Variants in CDS1 observed in about 807,000 individuals in gnomAD.
CDS1 encodes the protein CDP-diacylglycerol synthase 1.
In CDS1, 41 loss-of-function variants were observed where a neutral mutation model predicts 62.1. That is an observed-to-expected ratio of 0.66 (90% confidence interval 0.51 to 0.86). The LOEUF is 0.86. Ranked by LOEUF, CDS1 falls within the 40% of genes least tolerant of loss-of-function variation. The pLI, the probability that CDS1 is intolerant of heterozygous loss-of-function variation, is 0.00. For synonymous variants in CDS1, 185 were observed against 192.6 expected, an observed-to-expected ratio of 0.96 and a Z score of 0.32; for missense variants, 470 against 550.1, an observed-to-expected ratio of 0.85 and a Z score of 1.46.
intron 6 of CDS1, among the ~76,000 whole-genome samples, chr4:84,632,995 A>G (rs1724070163): frequency 2.6e-5 from 4 of 152,118 alleles, no homozygotes; most frequent in Admixed American, 2.6e-4. Context: ...GTGGTGGCAC[A>G]CACCTGTAGT....
intron 8 of CDS1, among the ~76,000 whole-genome samples, 197 bp downstream of exon 8, chr4:84,635,548 C>T (rs887367162): frequency 6.6e-6 from 1 of 150,598 alleles, no homozygotes; most frequent in Non-Finnish European, 1.5e-5. Flanking sequence ...TCTGTTGGCT[C>T]CTCAGGAAGG....
intron 2 of CDS1, 135 bp downstream of exon 2, chr4:84,604,505 C>A: frequency 1.4e-6 from 1 of 736,514 alleles, no homozygotes; most frequent in Non-Finnish European, 2.3e-6. Context: ...CACCTAATAT[C>A]CGAGGTATAG....
intron 5 of CDS1, among the ~76,000 whole-genome samples, chr4:84,620,386 C>G (rs912310410): frequency 5.3e-5 from 8 of 151,844 alleles, no homozygotes; most frequent in Middle Eastern, 6.8e-3. Context: ...CCACACCCGA[C>G]TAATTTTTTG....
At chr4:84,612,919 G>A (rs186837267) in intron 3 of CDS1, among the ~76,000 whole-genome samples, 50 of 151,244 alleles carry the variant, frequency 3.3e-4, no homozygotes, top group African/African-American at 1.2e-3. Flanking sequence ...ATCCTGGGAG[G>A]TGGAGGTTGC....
At position 84,640,824 on chromosome 4, in the gene CDS1, G is replaced by A; in HGVS notation, c.880-14G>A. On this transcript the variant is annotated splice_polypyrimidine_tract_variant and intron_variant, in intron 9 of 12. Transcript: ENST00000295887. Reference sequence around the variant, plus strand: ...TTTGTTTTTTGTTTTGTTTTGTTTTGTTTTTAATATCAGGCTGCCTATGTG... The same window carrying A: ...TTTGTTTTTTGTTTTGTTTTGTTTTATTTTTAATATCAGGCTGCCTATGTG... 2 of 1,528,980 alleles carry A rather than the reference G, an allele frequency of 1.3e-6. No individual in the cohort carries two copies. The highest frequency in any genetic ancestry group is 1.3e-5 in the South Asian group (1 of 77,494). 94.7% of individuals were successfully genotyped at this position (1,528,980 alleles called of 1,614,324 possible). A position where few individuals can be genotyped will look rare whatever the true frequency, so the allele number is the denominator to read the frequency against.
At chr4:84,629,642 A>G (rs1314086422) in intron 5 of CDS1, among the ~76,000 whole-genome samples, 1 of 152,172 alleles carries the variant, frequency 6.6e-6, no homozygotes, top group Non-Finnish European at 1.5e-5. Context: ...AGAGATGACT[A>G]TATTTAGCCT....
chr4:84,592,153 A>ATT (rs1395044984), intron 1 of CDS1, among the ~76,000 whole-genome samples: 4 of 98,442 alleles, frequency 4.1e-5, no homozygotes, highest in Non-Finnish European at 4.2e-5. Context: ...ATTAATGACC[A>ATT]ATTTTTTTTT....
intron 2 of CDS1, among the ~76,000 whole-genome samples, chr4:84,609,197 A>AAG (rs1553903368): frequency 2.1e-5 from 3 of 145,924 alleles, no homozygotes; most frequent in Admixed American, 7.0e-5. Context: ...AAAAAAAAAA[A>AAG]AAAAGAAAAG....
intron 1 of CDS1, among the ~76,000 whole-genome samples, chr4:84,598,660 GT>G (rs1456498408): frequency 6.6e-6 from 1 of 151,960 alleles, no homozygotes; most frequent in Non-Finnish European, 1.5e-5. Flanking sequence ...TTATTTTCAG[GT>G]GGGATCTTGC....
At chr4:84,606,059 T>C (rs1276376626) in intron 2 of CDS1, among the ~76,000 whole-genome samples, 1 of 152,046 alleles carries the variant, frequency 6.6e-6, no homozygotes, top group African/African-American at 2.4e-5. Context: ...CGAGAAACTT[T>C]TCTACAAAGA....
intron 9 of CDS1, among the ~76,000 whole-genome samples, chr4:84,640,154 GTAATATATA>G (rs1037064958): frequency 6.8e-6 from 1 of 147,350 alleles, no homozygotes; most frequent in African/African-American, 2.5e-5. Context: ...ATAATAATAT[GTAATATATA>G]TAATATATAT....
chr4:84,596,024 A>G (rs1266615133), intron 1 of CDS1, among the ~76,000 whole-genome samples: 2 of 152,176 alleles, frequency 1.3e-5, no homozygotes, highest in Middle Eastern at 3.2e-3. Flanking sequence ...AATGGCAAAA[A>G]ACAGAGCAGC....
At chr4:84,604,768 T>A (rs1156981513) in intron 2 of CDS1, among the ~76,000 whole-genome samples, 1 of 152,144 alleles carries the variant, frequency 6.6e-6, no homozygotes, top group Non-Finnish European at 1.5e-5. Flanking sequence ...AGGTATTTTT[T>A]TCTTTTTTCT....
intron 8 of CDS1, among the ~76,000 whole-genome samples, chr4:84,636,766 C>T (rs912833092): frequency 6.6e-6 from 1 of 152,152 alleles, no homozygotes; most frequent in Non-Finnish European, 1.5e-5. Context: ...CTCGAATGAT[C>T]TACCTACCTC....
chr4:84,605,709 T>C (rs1723074319), intron 2 of CDS1, among the ~76,000 whole-genome samples: 1 of 152,184 alleles, frequency 6.6e-6, no homozygotes, highest in Admixed American at 6.5e-5. Context: ...TCATTCATAA[T>C]AAGATCTTCC....
chr4:84,647,974 A>G (rs903811069), intron 12 of CDS1, among the ~76,000 whole-genome samples: 5 of 151,858 alleles, frequency 3.3e-5, no homozygotes, highest in East Asian at 1.9e-4. Context: ...TTTGTTTTTT[A>G]TATTGGAGTT....
intron 5 of CDS1, among the ~76,000 whole-genome samples, chr4:84,620,949 A>G (rs28463971): frequency 6.6e-6 from 1 of 152,156 alleles, no homozygotes. Flanking sequence ...AATCCCAGCT[A>G]CTTAGGAGGT....
At chr4:84,642,326 C>CA (rs1268824695) in intron 10 of CDS1, among the ~76,000 whole-genome samples, 4,848 of 88,370 alleles carry the variant, frequency 0.055, 96 homozygotes, top group African/African-American at 0.068. Flanking sequence ...AACTCTGCCT[C>CA]AAAAAAAAAA....
At chr4:84,638,200 T>C (rs750171356) in intron 8 of CDS1, among the ~76,000 whole-genome samples, 7 of 152,288 alleles carry the variant, frequency 4.6e-5, no homozygotes, top group Admixed American at 2.6e-4. Context: ...ACCACTAACT[T>C]CTAGATTTTT....
Sources: allele counts gnomAD v4.1 joint callset (sites outside exome capture counted in the v4.1 genomes callset), GRCh38; gene constraint gnomAD v4.1.1; transcripts MANE v1.5; gene names NCBI Gene and HGNC (gene_info 2026-07-23, HGNC 2026-07-21).